ZGRF1: variants seen among roughly 807,000 people sequenced by gnomAD.
ZGRF1 encodes the protein zinc finger GRF-type containing 1.
In ZGRF1, 196 loss-of-function variants were observed where a neutral mutation model predicts 203.5. The ratio of observed to expected loss-of-function variants is 0.96; its 90% confidence interval spans 0.86 to 1.08. ZGRF1 has a LOEUF of 1.08. Among genes scored for constraint, ZGRF1 ranks in the 50% least tolerant of loss-of-function variants. The probability of loss-of-function intolerance (pLI) is 0.00; values close to 1 mark genes in which losing one functional copy is unlikely to be tolerated. For synonymous variants in ZGRF1, 809 were observed against 841.3 expected (o/e 0.96, Z 0.66); for missense variants, 2,326 against 2,416.3 (o/e 0.96, Z 0.78).
At chr4:112,583,663 G>A (rs1746659777) in intron 15 of ZGRF1, among the ~76,000 whole-genome samples, 1 of 151,986 alleles carries the variant, frequency 6.6e-6, no homozygotes, top group Non-Finnish European at 1.5e-5. Context: ...AATTAGCTGG[G>A]CATGGTGGCA....
At chr4:112,621,011 G>A (rs1327635749) in intron 4 of ZGRF1, among the ~76,000 whole-genome samples, 1 of 152,100 alleles carries the variant, frequency 6.6e-6, no homozygotes, top group Non-Finnish European at 1.5e-5. Flanking sequence ...CAACCTGGAT[G>A]ACAGAGTGAG....
chr4:112,548,225 C>A, intron 23 of ZGRF1, 28 bp downstream of exon 23: 1 of 1,550,378 alleles, frequency 6.5e-7, no homozygotes, highest in Non-Finnish European at 8.7e-7. Flanking sequence ...ACAGGTATTA[C>A]CCCTGGGGAA....
chr4:112,628,672 T>C (rs1262796467), intron 3 of ZGRF1: 3 of 456,126 alleles, frequency 6.6e-6, no homozygotes, highest in African/African-American at 2.0e-5. Context: ...TGTTTTCCTA[T>C]AACCTACTTG....
intron 24 of ZGRF1, among the ~76,000 whole-genome samples, chr4:112,545,232 C>A (rs554487229): frequency 6.6e-6 from 1 of 150,760 alleles, no homozygotes; most frequent in African/African-American, 2.4e-5. Context: ...AATTGTAAAT[C>A]ATATATTTGA....
At position 112,615,515 on chromosome 4, in the gene ZGRF1, C is replaced by T. The variant is rs1254462754; in HGVS notation, c.2602+1925G>A. On this transcript the variant is annotated intron_variant, in intron 6 of 27. Transcript: ENST00000505019. ...CTGGGATTACAGGCATGAGCCACCA[C>T]ACCTGGCCTTCAAAACTAAATTCTA... 2.7e-5 allele frequency among the ~76,000 whole-genome samples: 4 copies of T among 149,120 alleles called. No individual in the cohort carries two copies. In the South Asian group the frequency reaches 8.6e-4, roughly 32 times the overall value.
intron 16 of ZGRF1, among the ~76,000 whole-genome samples, chr4:112,576,716 G>A (rs1195547534): frequency 6.6e-6 from 1 of 152,140 alleles, no homozygotes; most frequent in Non-Finnish European, 1.5e-5. Flanking sequence ...AGCAAGAAGA[G>A]AAGTTTATGG....
intron 10 of ZGRF1, among the ~76,000 whole-genome samples, chr4:112,592,188 C>A (rs949188397): frequency 2.0e-5 from 3 of 150,758 alleles, no homozygotes; most frequent in Non-Finnish European, 4.4e-5. Context: ...ACCTCTAACT[C>A]CCAAGTACAA....
At chr4:112,585,463 T>C (rs1747000944) in intron 14 of ZGRF1, 78 bp downstream of exon 14, 1 of 1,148,388 alleles carries the variant, frequency 8.7e-7, no homozygotes, top group Non-Finnish European at 1.2e-6. Context: ...CTCTTTAAGC[T>C]TATCATGAAG....
chr4:112,559,192 G>C (rs1198678868), intron 19 of ZGRF1, among the ~76,000 whole-genome samples: 1 of 151,078 alleles, frequency 6.6e-6, no homozygotes, highest in African/African-American at 2.4e-5. Flanking sequence ...AGCAATGGTT[G>C]TTTTTTTTTG....
chr4:112,595,013 AG>A (rs1748760256), intron 10 of ZGRF1, among the ~76,000 whole-genome samples: 2 of 151,920 alleles, frequency 1.3e-5, no homozygotes, highest in Non-Finnish European at 2.9e-5. Context: ...AGGCTGAGGC[AG>A]GCAGATCACC....
chr4:112,565,663 A>C (rs1315370367), intron 16 of ZGRF1, among the ~76,000 whole-genome samples: 40 of 152,156 alleles, frequency 2.6e-4, no homozygotes, highest in Non-Finnish European at 4.1e-4. Flanking sequence ...AAAAACAAAC[A>C]ACCCCATCAA....
chr4:112,542,318 T>C (rs1179300720), intron 24 of ZGRF1, among the ~76,000 whole-genome samples: 2 of 152,122 alleles, frequency 1.3e-5, no homozygotes, highest in Non-Finnish European at 2.9e-5. Flanking sequence ...ATGACTAAAT[T>C]ATGGTATATC....
At chr4:112,568,704 T>A (rs1341530751) in intron 16 of ZGRF1, among the ~76,000 whole-genome samples, 2 of 89,804 alleles carry the variant, frequency 2.2e-5, no homozygotes, top group Non-Finnish European at 4.1e-5. Flanking sequence ...AGAGTGAAAC[T>A]CTGTCTCAAA....
rs200748166 is a variant in ZGRF1 at position 112,581,749 on chromosome 4, G to A, written c.4352C>T (p.Thr1451Ile). 2 of 1,543,368 alleles carry A rather than the reference G, an allele frequency of 1.3e-6. No individual in the cohort carries two copies. The highest frequency in any genetic ancestry group is 2.0e-5 in the Admixed American group (1 of 50,168). ...KQYGKLKKFTTVNPEFYNEPK... is the reference protein window; with the variant it reads ...KQYGKLKKFTIVNPEFYNEPK... ...TTCATTATAAAACTCAGGATTTACA[G>A]TAGTAAACTTCTTTAGTTTGCCATA... The change falls in exon 16 of 28, where the codon ACT becomes ATT. Residue 1451 changes from threonine (T) to isoleucine (I), a missense_variant. By Grantham distance (89) the Thr-to-Ile change is moderately conservative. Coordinates refer to ENST00000505019, the MANE Select transcript of ZGRF1 (RefSeq NM_018392.5).
intron 3 of ZGRF1, among the ~76,000 whole-genome samples, chr4:112,630,892 A>T (rs1488728917): frequency 2.6e-5 from 4 of 152,040 alleles, no homozygotes; most frequent in African/African-American, 9.7e-5. Flanking sequence ...GGCTCAAAAA[A>T]AAAAAAAAAG....
intron 8 of ZGRF1, among the ~76,000 whole-genome samples, chr4:112,608,532 A>T (rs1751101497): frequency 6.6e-6 from 1 of 152,274 alleles, no homozygotes; most frequent in South Asian, 2.1e-4. Flanking sequence ...AGGGAAGAGA[A>T]TTGCTTGAAC....
At position 112,609,394 on chromosome 4, in the gene ZGRF1, T is replaced by C; in HGVS notation, c.2703A>G (p.Pro901=). Reference sequence around the variant, plus strand: ...AATAACTTACCTGCACAGACTGAAGTGGTTCACTTAGTTCAACTTCATCTT... The same window carrying C: ...AATAACTTACCTGCACAGACTGAAGCGGTTCACTTAGTTCAACTTCATCTT... ...LKEDEVELSE[P]LQSVQFSSSG... The change falls in exon 8 of 28, where the codon CCA becomes CCG. Residue 901 remains proline, a synonymous_variant. Coordinates refer to ENST00000505019, the MANE Select transcript of ZGRF1 (RefSeq NM_018392.5). 6.3e-7 allele frequency: 1 copy of C among 1,579,392 alleles called. No individual in the cohort carries two copies. Among genetic ancestry groups the C allele is most frequent in the East Asian group, 2.3e-5 (1 of 43,464 alleles).
At chr4:112,548,181 T>A (rs1739184371) in intron 23 of ZGRF1, 72 bp downstream of exon 23, 2 of 1,406,256 alleles carry the variant, frequency 1.4e-6, no homozygotes, top group Admixed American at 4.3e-5. Flanking sequence ...ACTCAAGCAA[T>A]CCACCTGCCT....
chr4:112,553,856 G>C lies in ZGRF1; in HGVS notation c.5325C>G (p.Thr1775=). ...TTACCTGCTTCAGCAGGGTTCTATTGGTCCCCAGTTTATGCTGCTCAATGC... is the reference window on the plus strand; with the variant it reads ...TTACCTGCTTCAGCAGGGTTCTATTCGTCCCCAGTTTATGCTGCTCAATGC... ...RKSIEQHKLG[T]NRTLLKQVRV... The change falls in exon 22 of 28, where the codon ACC becomes ACG. Residue 1775 remains threonine (T), a synonymous_variant. Transcript: ENST00000505019. 1 of 1,611,556 alleles carries C rather than the reference G, an allele frequency of 6.2e-7. No homozygotes were observed. Among genetic ancestry groups the C allele is most frequent in the Non-Finnish European group, 8.5e-7 (1 of 1,179,346 alleles).
Sources: allele counts gnomAD v4.1 joint callset (sites outside exome capture counted in the v4.1 genomes callset), GRCh38; gene constraint gnomAD v4.1.1; transcripts MANE v1.5; gene names NCBI Gene and HGNC (gene_info 2026-07-23, HGNC 2026-07-21).